CCDC137: variants seen among roughly 807,000 people sequenced by gnomAD.
CCDC137 encodes coiled-coil domain containing 137, also known as coiled-coil domain-containing protein 137.
CCDC137 carries 24 observed loss-of-function variants against 30.4 expected under a neutral mutation model. That is an observed-to-expected ratio of 0.79 (90% CI 0.57 to 1.11). CCDC137 has a LOEUF of 1.11. Ranked by LOEUF, CCDC137 falls within the 50% of genes least tolerant of loss-of-function variation. The pLI is 0.00. For missense variants in CCDC137, 417 were observed against 380.4 expected (o/e 1.10, Z -0.80); for synonymous variants, 182 against 155.7 (o/e 1.17, Z -1.26).
rs752078772 is a variant in CCDC137 at position 81,672,102 on chromosome 17, C to T, written c.607C>T (p.Leu203=). 6.2e-7 allele frequency: 1 copy of T among 1,614,088 alleles called. No individual in the cohort carries two copies. Among genetic ancestry groups the T allele is most frequent in the South Asian group, 1.1e-5 (1 of 91,086 alleles). ...CACGGTGAAGTTTGGTGAGGTTGTC[C>T]TGCAGCCCCCAGAGCTGACTGCCAG... is the stretch of plus-strand genomic sequence containing the variant. ...RDTVKFGEVV[L]QPPELTARPQ... is the part of the protein sequence containing the mutation. Residue 203 remains leucine (L), a synonymous_variant, in exon 5 of 6, where the codon CTG becomes TTG. Coordinates refer to ENST00000329214, the MANE Select transcript of CCDC137 (RefSeq NM_199287.3).
rs185132741 is a variant in CCDC137, at chr17:81,671,271, C to A, written c.498-473C>A. On this transcript the variant is annotated intron_variant, in intron 3 of 5. Transcript: ENST00000329214. ...CATCACAGAGAACGTGGCCCAGATACAGCCTGGCGCCACGGTGATCTCCAG... is the reference window on the plus strand; with the variant it reads ...CATCACAGAGAACGTGGCCCAGATAAAGCCTGGCGCCACGGTGATCTCCAG... 3.6e-3 allele frequency among the ~76,000 whole-genome samples: 546 copies of A among 152,294 alleles called. 1 individual carries two copies. The highest frequency in any genetic ancestry group is 6.1e-3 in the Non-Finnish European group (413 of 68,024).
At chr17:81,666,978 A>C in intron 1 of CCDC137, 78 bp downstream of exon 1, 1 of 1,230,738 alleles carries the variant, frequency 8.1e-7, no homozygotes, top group East Asian at 3.2e-5. Flanking sequence ...GGGACCCCCT[A>C]GGGAGCGTTC....
chr17:81,671,406 G>A (rs1474144173), intron 3 of CCDC137, among the ~76,000 whole-genome samples: 1 of 152,216 alleles, frequency 6.6e-6, no homozygotes, highest in Non-Finnish European at 1.5e-5. Context: ...ATGAGTCTCT[G>A]TTGGGTGGTC....
chr17:81,670,349 A>G lies in CCDC137; in HGVS notation c.393A>G (p.Gln131=). ...GGGCCTATATCCACCGCATGCAGCA[A>G]GAGGCCCAGCATGTGCTGTTCCTCA... The part of the protein sequence containing the change: ...SDGAYIHRMQ[Q]EAQHVLFLSK... Residue 131 remains glutamine (Q), a synonymous_variant, in exon 3 of 6, where the codon CAA becomes CAG. Transcript: ENST00000329214. 1.2e-6 allele frequency: 2 copies of G among 1,613,860 alleles called. No homozygotes were observed. The highest frequency in any genetic ancestry group is 1.7e-6 in the Non-Finnish European group (2 of 1,179,926).
chr17:81,673,100 C>G lies in CCDC137; in HGVS notation c.*396C>G, dbSNP rs1177219836. 1.3e-5 allele frequency: 3 copies of G among 229,042 alleles called. No homozygotes were observed. Among genetic ancestry groups the G allele is most frequent in the African/African-American group, 4.5e-5 (2 of 43,992 alleles). The allele number at this position is 229,042 out of a possible 1,614,324, so 14.2% of individuals were successfully genotyped here. ...GCAGAGCCGAGCGTACAGTGCACAT[C>G]AGGCAGAGCAGGCCACGGGCAGGGA... On this transcript the variant is annotated 3_prime_UTR_variant, in exon 6 of 6. Transcript: ENST00000329214.
In CCDC137 at chr17:81,672,764, C is replaced by T. The variant is rs1303741717; in HGVS notation, c.*60C>T. 1 of 1,453,734 alleles carries T rather than the reference C, an allele frequency of 6.9e-7. No homozygotes were observed. The highest frequency in any genetic ancestry group is 1.4e-5 in the African/African-American group (1 of 70,916). 90.1% of individuals were successfully genotyped at this position (1,453,734 alleles called of 1,614,324 possible). On this transcript the variant is annotated 3_prime_UTR_variant, in exon 6 of 6. Transcript: ENST00000329214. ...GCAACTGGCACCAGGAGCTGCTACA[C>T]CTGGGTAGGAGAGAGGCAGGCCATG...
rs753561494 is a variant in CCDC137, at chr17:81,672,649, T to C, written c.815T>C (p.Leu272Pro). The change falls in exon 6 of 6, where the codon CTG becomes CCG. Residue 272 changes from leucine (L) to proline (P), a missense_variant. By Grantham distance (98) the Leu-to-Pro change is moderately conservative. Transcript: ENST00000329214. ...GCGTTGAAGCAGCGGCAGCAGCAGC[T>C]GCACGGGGAGCGACCCCACCTCACT... ...YRALKQRQQQ[L>P]HGERPHLTSR... 80 of 1,601,192 alleles carry C rather than the reference T, an allele frequency of 5.0e-5. No homozygotes were observed. Among genetic ancestry groups the C allele is most frequent in the Non-Finnish European group, 6.3e-5 (74 of 1,175,078 alleles).
chr17:81,669,984 T>G (rs1431659467), intron 2 of CCDC137: 7 of 530,894 alleles, frequency 1.3e-5, no homozygotes, highest in Non-Finnish European at 2.4e-5. Flanking sequence ...TTAGGTTGTT[T>G]CTGCTTTCCT....
chr17:81,672,899 A>C lies in CCDC137; in HGVS notation c.*195A>C. 1.7e-6 allele frequency: 1 copy of C among 595,038 alleles called. No individual in the cohort carries two copies. 36.9% of individuals were successfully genotyped at this position (595,038 alleles called of 1,614,324 possible). The stretch of plus-strand genomic sequence containing the variant: ...ATGGACTAGGGCCAAGGCCTGGTTG[A>C]CAGACGGCCCGTGGGGCCCGGTGTC... On this transcript the variant is annotated 3_prime_UTR_variant, in exon 6 of 6. Transcript: ENST00000329214.
chr17:81,667,262 G>T (rs1348986361), intron 1 of CCDC137, among the ~76,000 whole-genome samples: 1 of 151,998 alleles, frequency 6.6e-6, no homozygotes, highest in Non-Finnish European at 1.5e-5. Flanking sequence ...CTGCTCCCTG[G>T]ACTGCTGGAC....
chr17:81,668,210 C>G (rs920568077), intron 2 of CCDC137, among the ~76,000 whole-genome samples: 2 of 152,096 alleles, frequency 1.3e-5, no homozygotes, highest in Non-Finnish European at 2.9e-5. Context: ...AAAGGGTCAC[C>G]GAGCGATGAT....
At chr17:81,667,301 C>T (rs1022418122) in intron 1 of CCDC137, among the ~76,000 whole-genome samples, 3 of 151,536 alleles carry the variant, frequency 2.0e-5, no homozygotes, top group Non-Finnish European at 4.4e-5. Context: ...CCAGATGTGG[C>T]CCCTGTATAG....
rs376905282 is a variant in CCDC137, at chr17:81,671,841, A to G, written c.580+15A>G. On this transcript the variant is annotated intron_variant, in intron 4 of 5. Transcript: ENST00000329214. The stretch of plus-strand genomic sequence containing the variant: ...GTTGCTCCGAGGTAGCTCTTCCCAA[A>G]GCGATGGTGTCAGCAGTGGTCCGGG... 7 of 1,613,066 alleles carry G rather than the reference A, an allele frequency of 4.3e-6. No individual in the cohort carries two copies. The East Asian group carries it at 6.7e-5, about 15-fold the overall frequency.
rs1203931622 is a variant in CCDC137, at chr17:81,668,887, T to G, written c.268+1025T>G. ...CAGCTAATTTTTTGTGTGTGGTTTTTTTTTTTTTTTTTGAGACAGTCTCCC... is the reference window on the plus strand; with the variant it reads ...CAGCTAATTTTTTGTGTGTGGTTTTGTTTTTTTTTTTTGAGACAGTCTCCC... On this transcript the variant is annotated intron_variant, in intron 2 of 5. Transcript: ENST00000329214. 1.5e-3 allele frequency among the ~76,000 whole-genome samples: 226 copies of G among 150,788 alleles called. 1 individual carries two copies. Among genetic ancestry groups the G allele is most frequent in the African/African-American group, 5.1e-3 (209 of 41,112 alleles).
At position 81,672,563 on chromosome 17, in the gene CCDC137, C is replaced by G; in HGVS notation, c.729C>G (p.Ala243=). 6.3e-7 allele frequency: 1 copy of G among 1,574,858 alleles called. No individual in the cohort carries two copies. Among genetic ancestry groups the G allele is most frequent in the Non-Finnish European group, 8.6e-7 (1 of 1,160,412 alleles). Reference sequence around the variant, plus strand: ...GTGGTGTGTCCCAGCCTCTGACCGCCTCCCTGGCCCGCCAGCGGATTGTGG... The same window carrying G: ...GTGGTGTGTCCCAGCCTCTGACCGCGTCCCTGGCCCGCCAGCGGATTGTGG... ...SPGGVSQPLT[A]SLARQRIVEE... is the part of the protein sequence containing the mutation. The change falls in exon 6 of 6, where the codon GCC becomes GCG. Residue 243 remains alanine (A), a synonymous_variant. Coordinates refer to ENST00000329214, the MANE Select transcript of CCDC137 (RefSeq NM_199287.3).
intron 5 of CCDC137, among the ~76,000 whole-genome samples, 154 bp from the exon 6 acceptor site, chr17:81,672,340 GA>G (rs35384619): frequency 9.6e-4 from 142 of 147,372 alleles, no homozygotes; most frequent in Non-Finnish European, 1.6e-3. Context: ...CCTGTGTCAA[GA>G]AAAAAAAAAA....
At chr17:81,671,583 G>A in intron 3 of CCDC137, 161 bp from the exon 4 acceptor site, 1 of 633,392 alleles carries the variant, frequency 1.6e-6, no homozygotes, top group South Asian at 1.9e-5. Flanking sequence ...GGGCAGCTGT[G>A]GGTTTTGGGG....
chr17:81,666,925 G>T, intron 1 of CCDC137, 25 bp downstream of exon 1: 1 of 1,250,920 alleles, frequency 8.0e-7, no homozygotes, highest in Non-Finnish European at 1.0e-6. Flanking sequence ...CCGCGAGGCC[G>T]CCACACTTCC....
intron 5 of CCDC137, 76 bp downstream of exon 5, chr17:81,672,231 A>C: frequency 7.0e-7 from 1 of 1,435,526 alleles, no homozygotes; most frequent in Admixed American, 1.8e-5. Flanking sequence ...CAGGCTGGAC[A>C]CGGTGGGTCA....
Sources: allele counts gnomAD v4.1 joint callset (sites outside exome capture counted in the v4.1 genomes callset), GRCh38; gene constraint gnomAD v4.1.1; transcripts MANE v1.5; gene names NCBI Gene and HGNC (gene_info 2026-07-23, HGNC 2026-07-21).